The following CCDC18 variants were observed in gnomAD, a reference collection of about 807,000 sequenced individuals.
CCDC18 encodes coiled-coil domain-containing protein 18.
In CCDC18, 157 loss-of-function variants were observed where a neutral mutation model predicts 196.0. The ratio of observed to expected loss-of-function variants is 0.80; its 90% confidence interval spans 0.70 to 0.91. CCDC18 has a LOEUF of 0.91. Among genes scored for constraint, CCDC18 ranks in the 40% least tolerant of loss-of-function variants. The pLI, the probability that CCDC18 is intolerant of heterozygous loss-of-function variation, is 0.00. For synonymous variants in CCDC18, 482 were observed against 529.2 expected, an observed-to-expected ratio of 0.91 and a Z score of 1.22; for missense variants, 1,465 against 1,611.6, an observed-to-expected ratio of 0.91 and a Z score of 1.56.
chr1:93,180,758 C>T lies in CCDC18; in HGVS notation c.-97C>T. Reference sequence around the variant, plus strand: ...TCTGTGCTGCCGGGGTTCGCTGGTTCTCCGAGTTGTGTCCGAGGCTTCCAC... The same window carrying T: ...TCTGTGCTGCCGGGGTTCGCTGGTTTTCCGAGTTGTGTCCGAGGCTTCCAC... On this transcript the variant is annotated 5_prime_UTR_variant, in exon 1 of 29. Transcript: ENST00000690025. 1.5e-6 allele frequency: 2 copies of T among 1,367,308 alleles called. No homozygotes were observed. Among genetic ancestry groups the T allele is most frequent in the South Asian group, 1.1e-5 (1 of 88,042 alleles). 84.7% of individuals were successfully genotyped at this position (1,367,308 alleles called of 1,614,324 possible). A position where few individuals can be genotyped will look rare whatever the true frequency, so the allele number is the denominator to read the frequency against.
Position 93,239,391 on chromosome 1 carries a change from A to T in CCDC18, c.2685A>T (p.Gly895=), listed in dbSNP as rs1660466103. The change falls in exon 20 of 29, where the codon GGA becomes GGT. Residue 895 remains glycine (G), a synonymous_variant. Coordinates refer to ENST00000690025, the MANE Select transcript of CCDC18 (RefSeq NM_001378204.1). ...AAATAATGCACCTAAAACGAGATGG[A>T]GAAAATAAAGCAATGCACCTCTCTC... ...EKEIMHLKRD[G]ENKAMHLSQL... 1 of 1,613,390 alleles carries T rather than the reference A, an allele frequency of 6.2e-7. No individual in the cohort carries two copies. The highest frequency in any genetic ancestry group is 1.7e-5 in the Admixed American group (1 of 59,994).
intron 24 of CCDC18, 46 bp downstream of exon 24, chr1:93,254,660 G>A (rs367796285): frequency 3.5e-5 from 53 of 1,531,242 alleles, no homozygotes; most frequent in Non-Finnish European, 4.3e-5. Flanking sequence ...AGTCTCTGTT[G>A]AGTGAAATGA....
intron 14 of CCDC18, among the ~76,000 whole-genome samples, chr1:93,220,564 G>T (rs1257882077): frequency 2.0e-5 from 3 of 152,108 alleles, no homozygotes; most frequent in Admixed American, 1.3e-4. Context: ...ATGTGACAAC[G>T]ACAGTGTAAA....
At chr1:93,257,261 A>G (rs1663133939) in intron 25 of CCDC18, among the ~76,000 whole-genome samples, 1 of 145,984 alleles carries the variant, frequency 6.9e-6, no homozygotes, top group African/African-American at 2.5e-5. Flanking sequence ...AAAAAAAAAC[A>G]TGAAAACTAT....
At chr1:93,215,945 G>A (rs1656415340) in intron 12 of CCDC18, among the ~76,000 whole-genome samples, 1 of 152,128 alleles carries the variant, frequency 6.6e-6, no homozygotes, top group Non-Finnish European at 1.5e-5. Context: ...GGTAATTGTG[G>A]ACCAGGACCA....
intron 23 of CCDC18, among the ~76,000 whole-genome samples, chr1:93,250,884 G>A (rs577833403): frequency 6.6e-6 from 1 of 152,276 alleles, no homozygotes; most frequent in South Asian, 2.1e-4. Context: ...GAAGCATATA[G>A]TTGGATTTGT....
chr1:93,201,032 T>A (rs1212070853), intron 6 of CCDC18, among the ~76,000 whole-genome samples: 1 of 152,224 alleles, frequency 6.6e-6, no homozygotes, highest in Non-Finnish European at 1.5e-5. Context: ...CAAATAGACG[T>A]ACTTAACCAC....
chr1:93,192,473 C>A (rs1434826444), intron 5 of CCDC18, among the ~76,000 whole-genome samples: 1 of 152,224 alleles, frequency 6.6e-6, no homozygotes, highest in African/African-American at 2.4e-5. Flanking sequence ...CACTGCGTCA[C>A]CTAGGCTGGA....
At chr1:93,257,379 A>T (rs1663155264) in intron 25 of CCDC18, among the ~76,000 whole-genome samples, 1 of 151,994 alleles carries the variant, frequency 6.6e-6, no homozygotes, top group Admixed American at 6.6e-5. Flanking sequence ...CAAAAATACT[A>T]ATATAAATTT....
chr1:93,195,257 G>A (rs187940746), intron 6 of CCDC18, among the ~76,000 whole-genome samples: 1 of 152,024 alleles, frequency 6.6e-6, no homozygotes, highest in Admixed American at 6.6e-5. Flanking sequence ...AGTATAAAAG[G>A]GTATTATTGC....
At chr1:93,213,178 T>TA (rs1655943228) in intron 11 of CCDC18, among the ~76,000 whole-genome samples, 1 of 152,122 alleles carries the variant, frequency 6.6e-6, no homozygotes, top group African/African-American at 2.4e-5. Context: ...CACCTCCTAC[T>TA]ATGTGGCCCA....
In CCDC18 at chr1:93,278,574, T is replaced by G. The variant is rs888031389; in HGVS notation, c.*97T>G. The G allele has an allele frequency of 2.2e-5, 12 of 553,950 alleles. No homozygotes were observed. Among genetic ancestry groups the G allele is most frequent in the African/African-American group, 2.1e-4 (11 of 51,452 alleles). 34.3% of individuals were successfully genotyped at this position (553,950 alleles called of 1,614,324 possible). On this transcript the variant is annotated 3_prime_UTR_variant, in exon 29 of 29. Transcript: ENST00000690025. ...TCATACTTCATAGAAGCTGTTATTT[T>G]GCTTTTGAATAAATTTTATATTTCA...
rs1235458135 is a variant in CCDC18, at chr1:93,271,324, T to G, written c.4353+510T>G. The stretch of plus-strand genomic sequence containing the variant: ...CCAACTGTCCTCATCCTTATAATTT[T>G]TCACCCTAAAATATTTATATTCATC... On this transcript the variant is annotated intron_variant, in intron 28 of 28. Coordinates refer to ENST00000690025, the MANE Select transcript of CCDC18 (RefSeq NM_001378204.1). The G allele has an allele frequency of 4.1e-6, 4 of 985,126 alleles. No homozygotes were observed. The African/African-American group carries it at 7.0e-5, about 17-fold the overall frequency. The allele number at this position is 985,126 out of a possible 1,614,324, so 61.0% of individuals were successfully genotyped here.
In CCDC18 at chr1:93,264,680, TCCAA is replaced by T. The variant is rs1227142013; in HGVS notation, c.3685-20_3685-17del. 6.2e-6 allele frequency: 9 copies of T among 1,458,894 alleles called. No homozygotes were observed. Among genetic ancestry groups the T allele is most frequent in the Admixed American group, 2.1e-5 (1 of 48,366 alleles). 90.4% of individuals were successfully genotyped at this position (1,458,894 alleles called of 1,614,324 possible). A position where few individuals can be genotyped will look rare whatever the true frequency, so the allele number is the denominator to read the frequency against. ...TTCCATTTTTTTATTTTTTTTCTTT[TCCAA>T]TTCTGGGGCTATATAGATGATTTCA... On this transcript the variant is annotated splice_polypyrimidine_tract_variant and intron_variant, in intron 26 of 28. Transcript: ENST00000690025.
intron 17 of CCDC18, among the ~76,000 whole-genome samples, chr1:93,231,673 T>C (rs940496045): frequency 3.9e-5 from 6 of 152,240 alleles, no homozygotes. Flanking sequence ...GATAAAAGTA[T>C]CTTAAAGCAA....
chr1:93,250,785 A>G (rs1570572591), intron 23 of CCDC18, among the ~76,000 whole-genome samples: 1 of 83,722 alleles, frequency 1.2e-5, no homozygotes, highest in Non-Finnish European at 2.2e-5. Context: ...TATTTCTGCT[A>G]TACTTTTGAT....
intron 1 of CCDC18, 48 bp from the exon 2 acceptor site, chr1:93,183,312 C>T: frequency 7.3e-7 from 1 of 1,365,170 alleles, no homozygotes; most frequent in Non-Finnish European, 9.9e-7. Flanking sequence ...TTGACTGAAA[C>T]TACAGAATCT....
At chr1:93,264,385 C>G (rs1431750778) in intron 26 of CCDC18, among the ~76,000 whole-genome samples, 1 of 152,186 alleles carries the variant, frequency 6.6e-6, no homozygotes. Context: ...TCCTTAATAT[C>G]ATCAAATACC....
At chr1:93,264,142 T>C (rs1018660630) in intron 26 of CCDC18, among the ~76,000 whole-genome samples, 1 of 152,090 alleles carries the variant, frequency 6.6e-6, no homozygotes, top group African/African-American at 2.4e-5. Context: ...TGTCACACTT[T>C]TAAACGATCA....
Sources: allele counts gnomAD v4.1 joint callset (sites outside exome capture counted in the v4.1 genomes callset), GRCh38; gene constraint gnomAD v4.1.1; transcripts MANE v1.5; gene names NCBI Gene and HGNC (gene_info 2026-07-23, HGNC 2026-07-21).